The following VPS33A variants were observed in gnomAD, a reference collection of about 807,000 sequenced individuals.
VPS33A encodes the protein vacuolar protein sorting-associated protein 33A.
VPS33A carries 32 observed loss-of-function variants against 71.8 expected under a neutral mutation model. The ratio of observed to expected loss-of-function variants is 0.45; its 90% CI spans 0.34 to 0.60. The LOEUF (loss-of-function observed/expected upper bound fraction) is 0.60. VPS33A is among the 20% of genes least tolerant of loss of function. The probability of loss-of-function intolerance (pLI) is 0.02; values close to 1 mark genes in which losing one functional copy is unlikely to be tolerated. For synonymous variants in VPS33A, 311 were observed against 292.7 expected (o/e 1.06, Z -0.64); for missense variants, 625 against 748.5 (o/e 0.84, Z 1.92).
chr12:122,249,867 T>C lies in VPS33A; in HGVS notation c.775+4A>G. 6.2e-7 allele frequency: 1 copy of C among 1,611,612 alleles called. No homozygotes were observed. The highest frequency in any genetic ancestry group is 8.5e-7 in the Non-Finnish European group (1 of 1,179,116). On this transcript the variant is annotated splice_donor_region_variant and intron_variant, in intron 6 of 12. Coordinates refer to ENST00000267199, the MANE Select transcript of VPS33A (RefSeq NM_022916.6). The stretch of plus-strand genomic sequence containing the variant: ...ATTAGTGAAAACAGATGTCATGTAC[T>C]TACTGTTCTGAATGCCATAAATTTC...
At chr12:122,239,110 T>C (rs1337671515) in intron 9 of VPS33A, among the ~76,000 whole-genome samples, 2 of 152,188 alleles carry the variant, frequency 1.3e-5, no homozygotes, top group Non-Finnish European at 2.9e-5. Flanking sequence ...CACGTCTGTC[T>C]CTAAGGACAC....
rs183329125 is a variant in VPS33A at position 122,232,372 on chromosome 12, G to A, written c.1665C>T (p.Phe555=). Residue 555 remains phenylalanine, a synonymous_variant, in exon 13 of 13, where the codon TTC becomes TTT. Transcript: ENST00000267199. ...TLIFFLGGVT[F]AEIAALRFLS... ...GAAATCGCAGGGCAGCAATTTCAGCGAAGGTTACGCCCCCAAGGAAAAATA... is the reference window on the plus strand; with the variant it reads ...GAAATCGCAGGGCAGCAATTTCAGCAAAGGTTACGCCCCCAAGGAAAAATA... 378 of 1,614,160 alleles carry A rather than the reference G, an allele frequency of 2.3e-4. No homozygotes were observed. The highest frequency in any genetic ancestry group is 7.2e-4 in the Admixed American group (43 of 60,010).
chr12:122,266,143 C>T (rs1341753216), intron 1 of VPS33A, among the ~76,000 whole-genome samples, 164 bp downstream of exon 1: 2 of 152,066 alleles, frequency 1.3e-5, no homozygotes, highest in African/African-American at 4.8e-5. Context: ...CCCCCCCCTT[C>T]ATCGCTGCCT....
At chr12:122,250,895 G>A in intron 5 of VPS33A, 88 bp downstream of exon 5, 1 of 916,006 alleles carries the variant, frequency 1.1e-6, no homozygotes, top group Non-Finnish European at 1.7e-6. Flanking sequence ...AAGATCAACT[G>A]AATTTGTTTG....
chr12:122,238,799 AC>A (rs1954667094), intron 9 of VPS33A, 75 bp from the exon 10 acceptor site: 2 of 1,247,480 alleles, frequency 1.6e-6, no homozygotes, highest in Non-Finnish European at 2.3e-6. Context: ...ACACACACAC[AC>A]ACACACAATA....
chr12:122,250,911 A>G (rs1213954733), intron 5 of VPS33A, 72 bp downstream of exon 5: 2 of 1,065,744 alleles, frequency 1.9e-6, no homozygotes, highest in Non-Finnish European at 2.8e-6. Context: ...GTTTGTAAGG[A>G]GCTTCCCGTT....
At position 122,261,361 on chromosome 12, in the gene VPS33A, A is replaced by G. The variant is rs1566052838; in HGVS notation, c.383T>C (p.Leu128Pro). The G allele has an allele frequency of 6.2e-7, 1 of 1,614,104 alleles. No homozygotes were observed. The highest frequency in any genetic ancestry group is 1.3e-5 in the African/African-American group (1 of 75,062). ...GTGAATAAAGGATCCCAAGACACCC[A>G]GATCCTTCAACCGCTGTTCGCACAA... ...SLLCEQRLKD[L>P]GVLGSFIHRE... Residue 128 changes from leucine (L) to proline (P), a missense_variant, in exon 4 of 13, where the codon CTG (leucine) becomes CCG (proline). Physicochemically the swap from Leu to Pro is moderately conservative, Grantham distance 98. Transcript: ENST00000267199.
chr12:122,239,129 G>C (rs1333952646), intron 9 of VPS33A, among the ~76,000 whole-genome samples: 5 of 152,268 alleles, frequency 3.3e-5, no homozygotes, highest in Admixed American at 2.6e-4. Context: ...ACGCTTCTGA[G>C]AGGCTACCAG....
intron 4 of VPS33A, among the ~76,000 whole-genome samples, chr12:122,252,435 A>G (rs1313543281): frequency 6.6e-6 from 1 of 151,830 alleles, no homozygotes; most frequent in Non-Finnish European, 1.5e-5. Flanking sequence ...CGCCTGGCTA[A>G]TTTTTTTGTA....
At chr12:122,250,584 A>C (rs1484031948) in intron 5 of VPS33A, among the ~76,000 whole-genome samples, 1 of 152,190 alleles carries the variant, frequency 6.6e-6, no homozygotes. Flanking sequence ...CTTGTGCACA[A>C]GACACCCGAC....
chr12:122,235,827 G>T lies in VPS33A; in HGVS notation c.1399C>A (p.Arg467=). 1 of 1,613,616 alleles carries T rather than the reference G, an allele frequency of 6.2e-7. No homozygotes were observed. Among genetic ancestry groups the T allele is most frequent in the Non-Finnish European group, 8.5e-7 (1 of 1,179,816 alleles). The change falls in exon 11 of 13, where the codon CGG becomes AGG. Residue 467 remains arginine, a synonymous_variant. Coordinates refer to ENST00000267199, the MANE Select transcript of VPS33A (RefSeq NM_022916.6). The part of the protein sequence containing the change: ...TGGRNNYPTI[R]KTLRLWMDDV... ...TCCATCCAGAGGCGTAATGTTTTCC[G>T]TATAGTTGGGTAATTGTTTCTGCCC...
At chr12:122,233,156 C>G (rs1327802247) in intron 11 of VPS33A, among the ~76,000 whole-genome samples, 188 bp from the exon 12 acceptor site, 2 of 151,964 alleles carry the variant, frequency 1.3e-5, no homozygotes, top group Admixed American at 1.3e-4. Flanking sequence ...TCAATTTTGA[C>G]TGAAATCTTG....
intron 3 of VPS33A, 126 bp from the exon 4 acceptor site, chr12:122,261,573 A>T: frequency 2.2e-6 from 2 of 889,672 alleles, no homozygotes; most frequent in Non-Finnish European, 3.5e-6. Flanking sequence ...AAATCATATA[A>T]ATACTGACTC....
intron 10 of VPS33A, among the ~76,000 whole-genome samples, chr12:122,236,819 G>A (rs1954634966): frequency 6.6e-6 from 1 of 152,168 alleles, no homozygotes; most frequent in African/African-American, 2.4e-5. Flanking sequence ...CACACAGCTA[G>A]TGAAGAGCAG....
rs188785107 is a variant in VPS33A, at chr12:122,233,015, G to C, written c.1441-47C>G. On this transcript the variant is annotated intron_variant, in intron 11 of 12. Transcript: ENST00000267199. ...AAAACCCTATAGATACAGAGACTTA[G>C]AGCTACCTGACTGTGGCCTTTTGGG... 3.0e-4 allele frequency: 452 copies of C among 1,499,182 alleles called. 1 individual carries two copies. In the African/African-American group the frequency reaches 5.7e-3, roughly 19 times the overall value. The allele number at this position is 1,499,182 out of a possible 1,614,324, so 92.9% of individuals were successfully genotyped here. A position where few individuals can be genotyped will look rare whatever the true frequency, so the allele number is the denominator to read the frequency against.
intron 4 of VPS33A, among the ~76,000 whole-genome samples, chr12:122,255,471 C>T (rs1021683723): frequency 2.6e-5 from 4 of 152,046 alleles, no homozygotes; most frequent in African/African-American, 2.4e-5. Flanking sequence ...TCTGGGAGGC[C>T]GAGATGAGCA....
chr12:122,241,443 T>A (rs1261214469), intron 8 of VPS33A, among the ~76,000 whole-genome samples: 2 of 151,956 alleles, frequency 1.3e-5, no homozygotes, highest in African/African-American at 4.8e-5. Context: ...TAGCTGGGAT[T>A]ACAGGTGCCC....
chr12:122,255,453 C>G (rs894463894), intron 4 of VPS33A, among the ~76,000 whole-genome samples: 11 of 152,190 alleles, frequency 7.2e-5, no homozygotes, highest in Non-Finnish European at 1.0e-4. Flanking sequence ...CGCCTGTAAT[C>G]CCAGCACTCT....
In VPS33A at chr12:122,263,791, G is replaced by A. The variant is rs568394770; in HGVS notation, c.169-92C>T. On this transcript the variant is annotated intron_variant, in intron 2 of 12. Coordinates refer to ENST00000267199, the MANE Select transcript of VPS33A (RefSeq NM_022916.6). ...AAATCATAAATACCCCCAATCAAGTGCACATTAATATTTTAATATCAAAAT... is the reference window on the plus strand; with the variant it reads ...AAATCATAAATACCCCCAATCAAGTACACATTAATATTTTAATATCAAAAT... 1.4e-4 allele frequency: 192 copies of A among 1,382,026 alleles called. No individual in the cohort carries two copies. In the African/African-American group the frequency reaches 2.2e-3, roughly 16 times the overall value. The allele number at this position is 1,382,026 out of a possible 1,614,324, so 85.6% of individuals were successfully genotyped here. A position where few individuals can be genotyped will look rare whatever the true frequency, so the allele number is the denominator to read the frequency against.
Sources: allele counts gnomAD v4.1 joint callset (sites outside exome capture counted in the v4.1 genomes callset), GRCh38; gene constraint gnomAD v4.1.1; transcripts MANE v1.5; gene names NCBI Gene and HGNC (gene_info 2026-07-23, HGNC 2026-07-21).